Variants in KCNK13 observed in about 807,000 individuals in gnomAD.
KCNK13 encodes the protein potassium channel subfamily K member 13.
A neutral mutation model predicts 23.4 loss-of-function variants in KCNK13; 12 were observed. The observed-to-expected ratio is 0.51, with a 90% CI of 0.33 to 0.83. The LOEUF (loss-of-function observed/expected upper bound fraction) is 0.83, where lower values mean the gene tolerates loss of function less well. KCNK13 is among the 40% of genes least tolerant of loss of function. KCNK13 has a pLI of 0.02. For synonymous variants in KCNK13, 231 were observed against 229.5 expected (o/e 1.01, Z -0.06); for missense variants, 463 against 556.3 (o/e 0.83, Z 1.69).
At chr14:90,096,027 A>T (rs544715181) in intron 1 of KCNK13, among the ~76,000 whole-genome samples, 1 of 152,212 alleles carries the variant, frequency 6.6e-6, no homozygotes, top group Non-Finnish European at 1.5e-5. Context: ...GAAGAGATGC[A>T]TAGGATAACA....
At chr14:90,166,448 A>G (rs916082178) in intron 1 of KCNK13, among the ~76,000 whole-genome samples, 3 of 152,184 alleles carry the variant, frequency 2.0e-5, no homozygotes, top group African/African-American at 7.2e-5. Flanking sequence ...GCTCACGCCT[A>G]TAATCCCAGC....
chr14:90,119,542 G>A (rs1889712991), intron 1 of KCNK13, among the ~76,000 whole-genome samples: 1 of 152,026 alleles, frequency 6.6e-6, no homozygotes, highest in Admixed American at 6.6e-5. Flanking sequence ...CTAGAAAAAT[G>A]CAAATTAAAA....
At chr14:90,164,077 G>A (rs1890277785) in intron 1 of KCNK13, among the ~76,000 whole-genome samples, 1 of 152,180 alleles carries the variant, frequency 6.6e-6, no homozygotes, top group Admixed American at 6.5e-5. Flanking sequence ...TCTGTCTTCA[G>A]TCTCTGTTCC....
At chr14:90,167,262 C>G (rs971137449) in intron 1 of KCNK13, among the ~76,000 whole-genome samples, 1 of 152,260 alleles carries the variant, frequency 6.6e-6, no homozygotes, top group Non-Finnish European at 1.5e-5. Context: ...ACCCTCGTAT[C>G]GCAGTCATGA....
At chr14:90,088,001 ATTTTTATTTT>A (rs1296677539) in intron 1 of KCNK13, among the ~76,000 whole-genome samples, 1 of 151,946 alleles carries the variant, frequency 6.6e-6, no homozygotes, top group Non-Finnish European at 1.5e-5. Context: ...TTATTTATTT[ATTTTTATTTT>A]TTAATTTTTG....
At chr14:90,160,549 A>AT (rs761638562) in intron 1 of KCNK13, among the ~76,000 whole-genome samples, 5 of 151,880 alleles carry the variant, frequency 3.3e-5, no homozygotes, top group Admixed American at 6.6e-5. Flanking sequence ...GGAAATGTTA[A>AT]TTTTTTTTCT....
chr14:90,094,954 G>C (rs1456628683), intron 1 of KCNK13, among the ~76,000 whole-genome samples: 1 of 152,146 alleles, frequency 6.6e-6, no homozygotes, highest in Non-Finnish European at 1.5e-5. Context: ...GCCTATCAGG[G>C]ACTTTTCTAA....
At chr14:90,085,926 C>T (rs988529146) in intron 1 of KCNK13, among the ~76,000 whole-genome samples, 3 of 144,460 alleles carry the variant, frequency 2.1e-5, no homozygotes, top group African/African-American at 7.7e-5. Context: ...TTTCTTATGC[C>T]CTTTGTCTTG....
intron 1 of KCNK13, among the ~76,000 whole-genome samples, chr14:90,173,290 G>C (rs1890385834): frequency 6.6e-6 from 1 of 152,154 alleles, no homozygotes; most frequent in African/African-American, 2.4e-5. Context: ...CCAGGAGTTT[G>C]AGGCTGCAGT....
chr14:90,091,684 A>T (rs1478418774), intron 1 of KCNK13, among the ~76,000 whole-genome samples: 1 of 151,736 alleles, frequency 6.6e-6, no homozygotes, highest in Non-Finnish European at 1.5e-5. Flanking sequence ...AGGGTAAAAG[A>T]CATGCCAATA....
intron 1 of KCNK13, among the ~76,000 whole-genome samples, chr14:90,140,609 G>A (rs942813931): frequency 5.3e-5 from 8 of 152,058 alleles, no homozygotes; most frequent in African/African-American, 1.9e-4. Context: ...TTAATGTTGC[G>A]CCCTTGAAAA....
At chr14:90,132,596 G>A (rs1889888290) in intron 1 of KCNK13, among the ~76,000 whole-genome samples, 3 of 152,002 alleles carry the variant, frequency 2.0e-5, no homozygotes, top group South Asian at 2.1e-4. Flanking sequence ...ACCTGGGTTG[G>A]GAGGAGGAGG....
intron 1 of KCNK13, among the ~76,000 whole-genome samples, chr14:90,179,915 C>A (rs1890466587): frequency 6.6e-6 from 1 of 152,156 alleles, no homozygotes. Flanking sequence ...GTGATGCCAG[C>A]CAAACCCTGC....
At chr14:90,133,917 A>G (rs1158562329) in intron 1 of KCNK13, among the ~76,000 whole-genome samples, 3 of 152,146 alleles carry the variant, frequency 2.0e-5, no homozygotes, top group Non-Finnish European at 2.9e-5. Context: ...GTATAACTCC[A>G]TGGGTGCTTC....
At chr14:90,129,578 GGT>G in intron 1 of KCNK13, among the ~76,000 whole-genome samples, 1 of 152,146 alleles carries the variant, frequency 6.6e-6, no homozygotes, top group African/African-American at 2.4e-5. Context: ...TGTGCTGTAG[GGT>G]GTGTGTGCCT....
At chr14:90,161,503 G>A (rs1384609126) in intron 1 of KCNK13, among the ~76,000 whole-genome samples, 1 of 152,206 alleles carries the variant, frequency 6.6e-6, no homozygotes, top group African/African-American at 2.4e-5. Context: ...AATATGTATG[G>A]TGGGAGAAAA....
intron 1 of KCNK13, among the ~76,000 whole-genome samples, chr14:90,064,745 A>G (rs575026119): frequency 1.3e-5 from 2 of 152,326 alleles, no homozygotes; most frequent in Admixed American, 1.3e-4. Flanking sequence ...GTTAAAAGGT[A>G]AAAAACATGA....
rs139846020 is a variant in KCNK13, at chr14:90,184,980, G to T, written c.1204G>T (p.Ala402Ser). ...GAFAIMNNRL[A>S]ETSGDR ...CTTTGCAATCATGAACAACAGGTTG[G>T]CAGAGACCAGTGGGGACAGGTAGAA... Residue 402 changes from alanine to serine, a missense_variant, in exon 2 of 2, where the codon GCA becomes TCA. By Grantham distance (99) the Ala-to-Ser change is moderately conservative. This residue lies in a region of KCNK13 where 166 missense variants were observed against 178.8 expected (regional missense o/e 0.93). Coordinates refer to ENST00000282146, the MANE Select transcript of KCNK13 (RefSeq NM_022054.4). This position sits in a 1 kb window ranked among gnomAD's most constrained non-coding sequence, Gnocchi z 5.6. 6.3e-6 allele frequency: 10 copies of T among 1,599,204 alleles called. No homozygotes were observed. The highest frequency in any genetic ancestry group is 8.5e-6 in the Non-Finnish European group (10 of 1,171,964).
intron 1 of KCNK13, among the ~76,000 whole-genome samples, chr14:90,135,522 C>T (rs1400624775): frequency 1.3e-5 from 2 of 152,158 alleles, no homozygotes; most frequent in Non-Finnish European, 2.9e-5. Context: ...TGTGGGGTCT[C>T]GAGAGGACCT....
Sources: allele counts gnomAD v4.1 joint callset (sites outside exome capture counted in the v4.1 genomes callset), GRCh38; gene constraint gnomAD v4.1.1; regional missense constraint gnomAD v4.1.1; non-coding constraint Gnocchi (gnomAD v3.1); transcripts MANE v1.5; gene names NCBI Gene and HGNC (gene_info 2026-07-23, HGNC 2026-07-21).